GULP1: variants seen among roughly 807,000 people sequenced by gnomAD.
GULP1 encodes PTB domain-containing engulfment adapter protein 1.
A neutral mutation model predicts 40.9 loss-of-function variants in GULP1; 19 were observed. That is an observed-to-expected ratio of 0.46 (90% CI 0.32 to 0.68). GULP1 has a LOEUF of 0.68. Ranked by LOEUF, GULP1 falls within the 30% of genes least tolerant of loss-of-function variation. GULP1 has a pLI of 0.03. For missense variants in GULP1, 312 were observed against 362.2 expected, an observed-to-expected ratio of 0.86 and a Z score of 1.12; for synonymous variants, 119 against 117.6, an observed-to-expected ratio of 1.01 and a Z score of -0.08.
chr2:188,414,216 CAAAAAAAAAA>C (rs774779119), intron 2 of GULP1, among the ~76,000 whole-genome samples: 2 of 44,688 alleles, frequency 4.5e-5, no homozygotes, highest in Non-Finnish European at 8.8e-5. Flanking sequence ...GACTCCATCT[CAAAAAAAAAA>C]AAAAAAAAAA....
intron 5 of GULP1, among the ~76,000 whole-genome samples, chr2:188,524,604 A>ATT (rs202151742): frequency 1.4e-5 from 2 of 139,728 alleles, no homozygotes; most frequent in South Asian, 2.1e-4. Flanking sequence ...ATATATATAT[A>ATT]TTTTTTTTTT....
chr2:188,576,154 CA>C (rs1286185543), intron 9 of GULP1, among the ~76,000 whole-genome samples: 4 of 151,714 alleles, frequency 2.6e-5, no homozygotes, highest in African/African-American at 9.7e-5. Flanking sequence ...TTATTTCTGC[CA>C]ACTAGACAGC....
intron 9 of GULP1, among the ~76,000 whole-genome samples, chr2:188,575,253 G>A (rs1052451558): frequency 2.0e-5 from 3 of 151,972 alleles, no homozygotes; most frequent in East Asian, 1.9e-4. Context: ...TTTTCATTTT[G>A]TCTCACTTGT....
chr2:188,514,607 G>T (rs2064994295), intron 4 of GULP1, among the ~76,000 whole-genome samples: 1 of 152,068 alleles, frequency 6.6e-6, no homozygotes, highest in African/African-American at 2.4e-5. Flanking sequence ...AAAATAGTCT[G>T]AAACATTATA....
chr2:188,380,560 A>C (rs2048886616), intron 1 of GULP1, among the ~76,000 whole-genome samples: 1 of 152,228 alleles, frequency 6.6e-6, no homozygotes, highest in South Asian at 2.1e-4. Context: ...CAAGAAAAAA[A>C]TAGAAAAGAA....
chr2:188,541,307 A>G lies in GULP1; in HGVS notation c.388A>G (p.Ser130Gly). 1 of 1,613,196 alleles carries G rather than the reference A, an allele frequency of 6.2e-7. No individual in the cohort carries two copies. The highest frequency in any genetic ancestry group is 8.5e-7 in the Non-Finnish European group (1 of 1,179,194). Residue 130 changes from serine to glycine, a missense_variant, in exon 7 of 12, where the codon AGC (serine) becomes GGC (glycine). Physicochemically the swap from Ser to Gly is moderately conservative, Grantham distance 56. Transcript: ENST00000409830. ...TAAACATTTGTGCTATGTATTTGAC[A>G]GCGAAAAGTGTGTAAGTATCCCAGA... ...SNKHLCYVFD[S>G]EKCAEEITLT...
chr2:188,390,412 C>T (rs528528081), intron 2 of GULP1, among the ~76,000 whole-genome samples: 29 of 152,078 alleles, frequency 1.9e-4, no homozygotes, highest in African/African-American at 6.3e-4. Context: ...TGTTTATCTG[C>T]TTTTGAGAAA....
intron 2 of GULP1, among the ~76,000 whole-genome samples, chr2:188,421,095 T>C (rs2055340459): frequency 6.6e-6 from 1 of 152,146 alleles, no homozygotes; most frequent in Non-Finnish European, 1.5e-5. Flanking sequence ...GGCATCCAAA[T>C]TGGAAAAGAG....
At chr2:188,568,539 A>G (rs1002456718) in intron 7 of GULP1, among the ~76,000 whole-genome samples, 6 of 152,234 alleles carry the variant, frequency 3.9e-5, no homozygotes, top group African/African-American at 1.4e-4. Context: ...GATGACATAT[A>G]TATTTTGATC....
At chr2:188,487,804 T>A (rs2061992685) in intron 4 of GULP1, among the ~76,000 whole-genome samples, 1 of 152,012 alleles carries the variant, frequency 6.6e-6, no homozygotes, top group South Asian at 2.1e-4. Flanking sequence ...GTTTTACATA[T>A]GACACGTGCA....
rs528852393 is a variant in GULP1 at position 188,465,168 on chromosome 2, A to G, written c.-44-12491A>G. On this transcript the variant is annotated intron_variant, in intron 2 of 11. Transcript: ENST00000409830. Reference sequence around the variant, plus strand: ...GAGTCTCACTCAATGTTCTTAATGTAGTACCTGGGTATTGCTTCTGGTTAT... The same window carrying G: ...GAGTCTCACTCAATGTTCTTAATGTGGTACCTGGGTATTGCTTCTGGTTAT... Among the ~76,000 whole-genome samples the G allele has an allele frequency of 7.2e-5, 11 of 152,226 alleles. No individual in the cohort carries two copies. The South Asian group carries it at 1.9e-3, about 26-fold the overall frequency.
At chr2:188,576,969 C>T (rs912942776) in intron 9 of GULP1, among the ~76,000 whole-genome samples, 2 of 152,106 alleles carry the variant, frequency 1.3e-5, no homozygotes, top group Non-Finnish European at 2.9e-5. Context: ...AGCCTCATAG[C>T]CTCATGAATG....
intron 2 of GULP1, among the ~76,000 whole-genome samples, chr2:188,431,018 A>C (rs1289650446): frequency 6.6e-6 from 1 of 152,166 alleles, no homozygotes; most frequent in Non-Finnish European, 1.5e-5. Flanking sequence ...GACAGTATAA[A>C]ATTGACAATT....
chr2:188,394,977 C>G (rs1254839608), intron 2 of GULP1, among the ~76,000 whole-genome samples: 1 of 152,126 alleles, frequency 6.6e-6, no homozygotes, highest in African/African-American at 2.4e-5. Flanking sequence ...TTTATTTTTT[C>G]CACAGTATTT....
intron 7 of GULP1, among the ~76,000 whole-genome samples, chr2:188,564,286 G>A (rs1372468079): frequency 6.6e-6 from 1 of 151,688 alleles, no homozygotes; most frequent in African/African-American, 2.4e-5. Context: ...AGGGCACAAG[G>A]ATTGGAAAGA....
intron 11 of GULP1, chr2:188,588,775 T>C (rs537131640): frequency 6.6e-6 from 1 of 152,170 alleles, no homozygotes; most frequent in African/African-American, 2.4e-5. Flanking sequence ...ATACATTAAT[T>C]CTCTATGCCT....
chr2:188,336,811 G>A (rs1230302501), intron 1 of GULP1, among the ~76,000 whole-genome samples: 2 of 152,144 alleles, frequency 1.3e-5, no homozygotes, highest in Non-Finnish European at 2.9e-5. Context: ...TAGTGTAGCT[G>A]GTGGGAAAAG....
intron 1 of GULP1, among the ~76,000 whole-genome samples, chr2:188,296,090 G>A (rs902596875): frequency 2.0e-5 from 3 of 152,074 alleles, no homozygotes; most frequent in Non-Finnish European, 2.9e-5. Context: ...TAACTGCCAT[G>A]AGCCCTGGTC....
At chr2:188,412,445 AG>A (rs2152722141) in intron 2 of GULP1, among the ~76,000 whole-genome samples, 1 of 152,214 alleles carries the variant, frequency 6.6e-6, no homozygotes, top group African/African-American at 2.4e-5. Flanking sequence ...ACTCAGAGGT[AG>A]GAAGAGCCCA....
Sources: gnomAD v4.1 joint callset for allele counts (sites outside exome capture counted in the v4.1 genomes callset) on GRCh38, gnomAD v4.1.1 for gene constraint, MANE v1.5 for transcripts, NCBI Gene and HGNC (gene_info 2026-07-23, HGNC 2026-07-21) for gene names.